Variants in DAB1 observed in about 807,000 individuals in gnomAD.
The protein encoded by DAB1 is disabled homolog 1.
Under a neutral mutation model 64.6 loss-of-function variants are expected in DAB1, and 15 were observed. The ratio of observed to expected loss-of-function variants is 0.23; its 90% CI spans 0.16 to 0.36. The LOEUF is 0.36. Ranked by LOEUF, DAB1 falls within the 10% of genes least tolerant of loss-of-function variation. DAB1 has a pLI of 1.00. For missense variants in DAB1, 596 were observed against 706.7 expected (o/e 0.84, Z 1.78); for synonymous variants, 235 against 251.9 (o/e 0.93, Z 0.64).
At chr1:57,754,018 A>G (rs1259817216) in intron 6 of DAB1, among the ~76,000 whole-genome samples, 1 of 152,182 alleles carries the variant, frequency 6.6e-6, no homozygotes, top group Non-Finnish European at 1.5e-5. Flanking sequence ...AGAGTGAACT[A>G]ACTTGCCGTG....
Position 58,181,336 on chromosome 1 carries a change from A to G in DAB1, n.310-30748T>C, listed in dbSNP as rs924672899. ...TTTACTTTTCAACGTATTTGACTCAATCTAAAATATGTGTTTTGGATACAG... is the reference window on the plus strand; with the variant it reads ...TTTACTTTTCAACGTATTTGACTCAGTCTAAAATATGTGTTTTGGATACAG... On this transcript the variant is annotated intron_variant and non_coding_transcript_variant, in intron 4 of 20. Transcript: ENST00000485760. Among the ~76,000 whole-genome samples the G allele has an allele frequency of 2.8e-4, 42 of 152,068 alleles. 1 individual carries two copies. Among genetic ancestry groups the G allele is most frequent in the Admixed American group, 2.7e-3 (41 of 15,272 alleles).
intron 2 of DAB1, among the ~76,000 whole-genome samples, chr1:57,178,196 A>G (rs1292588370): frequency 1.3e-5 from 2 of 152,142 alleles, no homozygotes; most frequent in South Asian, 4.1e-4. Context: ...TATATAATAA[A>G]GCTGAAAATA....
At chr1:57,148,508 C>A (rs769410507) in intron 2 of DAB1, among the ~76,000 whole-genome samples, 1 of 152,188 alleles carries the variant, frequency 6.6e-6, no homozygotes, top group Admixed American at 6.5e-5. Context: ...GGCTTTAATT[C>A]TATCTGAGGC....
At chr1:57,274,289 G>A (rs1488444690) in intron 2 of DAB1, among the ~76,000 whole-genome samples, 2 of 152,150 alleles carry the variant, frequency 1.3e-5, no homozygotes, top group South Asian at 2.1e-4. Context: ...TTATCTTACT[G>A]AAAATAAGAT....
intron 3 of DAB1, among the ~76,000 whole-genome samples, chr1:58,452,394 T>C (rs924619210): frequency 3.3e-5 from 5 of 149,904 alleles, no homozygotes; most frequent in African/African-American, 1.2e-4. Flanking sequence ...CCTATGAAAA[T>C]GGCTAAAAAA....
intron 7 of DAB1, among the ~76,000 whole-genome samples, chr1:57,647,984 T>C (rs1400664990): frequency 1.3e-5 from 2 of 152,214 alleles, no homozygotes; most frequent in African/African-American, 4.8e-5. Flanking sequence ...AACCTCTGTC[T>C]ATAGGCAGAA....
At chr1:57,687,591 T>G in intron 6 of DAB1, among the ~76,000 whole-genome samples, 1 of 100,882 alleles carries the variant, frequency 9.9e-6, no homozygotes, top group Admixed American at 1.1e-4. Context: ...GAAAGTAATC[T>G]TAAGAAACAA....
intron 5 of DAB1, among the ~76,000 whole-genome samples, chr1:58,038,216 C>T (rs113666491): frequency 0.019 from 2,932 of 152,216 alleles, 80 homozygotes; most frequent in African/African-American, 0.063. Context: ...GATGTGGCTT[C>T]TCAGACTTAG....
intron 5 of DAB1, chr1:58,048,791 A>C: frequency 8.7e-7 from 1 of 1,144,984 alleles, no homozygotes; most frequent in Non-Finnish European, 1.3e-6. Context: ...TTCACAGTAT[A>C]GTATTTCTGA....
intron 2 of DAB1, among the ~76,000 whole-genome samples, chr1:57,234,116 T>A (rs1569993034): frequency 6.6e-6 from 1 of 152,316 alleles, no homozygotes; most frequent in Non-Finnish European, 1.5e-5. Context: ...AAGAACCAGG[T>A]ACTATTGCTT....
chr1:57,364,968 C>T (rs1465939300), intron 1 of DAB1, among the ~76,000 whole-genome samples: 1 of 148,660 alleles, frequency 6.7e-6, no homozygotes, highest in Admixed American at 6.8e-5. Flanking sequence ...CCTTAGGTAG[C>T]TTCTAGAGTC....
chr1:58,413,287 TA>T (rs1644687406), intron 3 of DAB1, among the ~76,000 whole-genome samples: 1 of 152,188 alleles, frequency 6.6e-6, no homozygotes, highest in Non-Finnish European at 1.5e-5. Context: ...ATTGAGGGCT[TA>T]AATTCAGCAG....
At position 58,228,577 on chromosome 1, in the gene DAB1, G is replaced by C. The variant is rs1180985860; in HGVS notation, n.310-77989C>G. 8.7e-6 allele frequency: 4 copies of C among 461,086 alleles called. No homozygotes were observed. The Admixed American group carries it at 1.1e-4, about 13-fold the overall frequency. 28.6% of individuals were successfully genotyped at this position (461,086 alleles called of 1,614,324 possible). ...TATGGCAGGGGGAGGGGGGACTCTAGGAAGCCCTGCATCTAGGGCTTTCTT... is the reference window on the plus strand; with the variant it reads ...TATGGCAGGGGGAGGGGGGACTCTACGAAGCCCTGCATCTAGGGCTTTCTT... On this transcript the variant is annotated intron_variant and non_coding_transcript_variant, in intron 4 of 20. Coordinates refer to the DAB1 transcript ENST00000485760.
At chr1:58,339,707 C>G (rs1449618093) in intron 4 of DAB1, among the ~76,000 whole-genome samples, 1 of 152,048 alleles carries the variant, frequency 6.6e-6, no homozygotes, top group East Asian at 1.9e-4. Flanking sequence ...TAATTTTAAC[C>G]TATTGAGCTA....
intron 9 of DAB1, among the ~76,000 whole-genome samples, chr1:57,041,971 G>C (rs1647845421): frequency 6.6e-6 from 1 of 152,150 alleles, no homozygotes; most frequent in African/African-American, 2.4e-5. Flanking sequence ...TCCTGTTCTA[G>C]TTCCTTTTCA....
At chr1:57,635,970 G>C (rs1047728649) in intron 7 of DAB1, among the ~76,000 whole-genome samples, 1 of 152,020 alleles carries the variant, frequency 6.6e-6, no homozygotes, top group African/African-American at 2.4e-5. Flanking sequence ...GGTGGCGGGC[G>C]CCTGTAGTCC....
intron 1 of DAB1, among the ~76,000 whole-genome samples, chr1:57,827,766 A>G (rs1394836996): frequency 7.2e-5 from 11 of 152,118 alleles, no homozygotes; most frequent in African/African-American, 4.8e-5. Context: ...TGGCCTGCCT[A>G]TAGGTATCAC....
intron 4 of DAB1, among the ~76,000 whole-genome samples, chr1:58,227,868 T>C (rs1315101635): frequency 6.6e-6 from 1 of 152,242 alleles, no homozygotes; most frequent in African/African-American, 2.4e-5. Context: ...GTTTCTGAGA[T>C]TTATTTCTGT....
chr1:58,219,025 C>CTCTCTGTGTGTGTG (rs376130413), intron 4 of DAB1, among the ~76,000 whole-genome samples: 2 of 129,474 alleles, frequency 1.5e-5, no homozygotes, highest in African/African-American at 6.3e-5. Context: ...CTCTCTCTCT[C>CTCTCTGTGTGTGTG]TGTGTGTGTG....
Sources: gnomAD v4.1 joint callset for allele counts (sites outside exome capture counted in the v4.1 genomes callset) on GRCh38, gnomAD v4.1.1 for gene constraint, MANE v1.5 for transcripts, NCBI Gene and HGNC (gene_info 2026-07-23, HGNC 2026-07-21) for gene names.